The following CEP104 variants were observed in gnomAD, a reference collection of about 807,000 sequenced individuals.
CEP104 encodes the protein centrosomal protein of 104 kDa.
CEP104 carries 84 observed loss-of-function variants against 113.3 expected under a neutral mutation model. The ratio of observed to expected loss-of-function variants is 0.74; its 90% CI spans 0.62 to 0.89. CEP104 has a LOEUF of 0.89. Ranked by LOEUF, CEP104 falls within the 40% of genes least tolerant of loss-of-function variation. The probability of loss-of-function intolerance (pLI) is 0.00; values close to 1 mark genes in which losing one functional copy is unlikely to be tolerated. For synonymous variants in CEP104, 378 were observed against 421.7 expected, an observed-to-expected ratio of 0.90 and a Z score of 1.27; for missense variants, 1,053 against 1,156.6, an observed-to-expected ratio of 0.91 and a Z score of 1.30.
rs76262686 is a variant in CEP104, at chr1:3,849,320, C to T, written c.114-539G>A. On this transcript the variant is annotated intron_variant, in intron 2 of 21. Coordinates refer to ENST00000378230, the MANE Select transcript of CEP104 (RefSeq NM_014704.4). Reference sequence around the variant, plus strand: ...TCTCGCTCTGTCACCCAGGCTGCAGCGGTGTGATTATGGCTCACTGCATCT... The same window carrying T: ...TCTCGCTCTGTCACCCAGGCTGCAGTGGTGTGATTATGGCTCACTGCATCT... Among the ~76,000 whole-genome samples the T allele has an allele frequency of 9.5e-3, 1,419 of 149,076 alleles. 28 individuals carry two copies. Among genetic ancestry groups the T allele is most frequent in the African/African-American group, 0.032 (1,307 of 40,332 alleles).
intron 4 of CEP104, 87 bp from the exon 5 acceptor site, chr1:3,845,438 C>T (rs1644489303): frequency 6.8e-6 from 7 of 1,035,062 alleles, no homozygotes; most frequent in Admixed American, 5.7e-5. Context: ...GACAGGGTCT[C>T]GTCTGTCACC....
chr1:3,818,215 C>T (rs1434952961), intron 20 of CEP104, among the ~76,000 whole-genome samples: 1 of 152,210 alleles, frequency 6.6e-6, no homozygotes, highest in East Asian at 1.9e-4. Context: ...CCCACTCTGC[C>T]TGGGGCTTCT....
chr1:3,848,756 C>A lies in CEP104; in HGVS notation c.139G>T (p.Val47Phe). The change falls in exon 3 of 22, where the codon GTC becomes TTC. Residue 47 changes from valine to phenylalanine, a missense_variant. Transcript: ENST00000378230. ...CGACATCTCTCCACCATTTGAAGGA[C>A]AATTTCTTGTGGAAACTGGCAAAAT... ...PRFCQFPQEI[V>F]LQMVERCRIR... 1 of 1,609,502 alleles carries A rather than the reference C, an allele frequency of 6.2e-7. No individual in the cohort carries two copies.
rs1644027068 is a variant in CEP104 at position 3,823,687 on chromosome 1, G to A, written c.2365-125C>T. 8.8e-7 allele frequency: 1 copy of A among 1,131,618 alleles called. No individual in the cohort carries two copies. Among genetic ancestry groups the A allele is most frequent in the Non-Finnish European group, 1.3e-6 (1 of 783,358 alleles). 70.1% of individuals were successfully genotyped at this position (1,131,618 alleles called of 1,614,324 possible). A position where few individuals can be genotyped will look rare whatever the true frequency, so the allele number is the denominator to read the frequency against. Reference sequence around the variant, plus strand: ...TCTGTGCCGCCTGCACATGAAGTAAGCCACAGGCTTCTATCTTCGGCATTT... The same window carrying A: ...TCTGTGCCGCCTGCACATGAAGTAAACCACAGGCTTCTATCTTCGGCATTT... On this transcript the variant is annotated intron_variant, in intron 18 of 21. Transcript: ENST00000378230. The surrounding 1 kb of genome is among the most constrained non-coding windows in gnomAD (Gnocchi z 4.1).
At position 3,852,439 on chromosome 1, in the gene CEP104, A is replaced by C. The variant is rs770831169; in HGVS notation, c.-14-18T>G. The C allele has an allele frequency of 2.9e-5, 46 of 1,594,952 alleles. No homozygotes were observed. The highest frequency in any genetic ancestry group is 3.5e-5 in the Non-Finnish European group (41 of 1,169,260). On this transcript the variant is annotated intron_variant, in intron 1 of 21. Transcript: ENST00000378230. ...CGTTTGGGCTGTTTATAAGAGCAGG[A>C]AAAACTTCTTTAAAACAAAGGAATT...
chr1:3,829,849 T>C lies in CEP104; in HGVS notation c.1985A>G (p.Lys662Arg), dbSNP rs760285703. 10 of 1,614,196 alleles carry C rather than the reference T, an allele frequency of 6.2e-6. No individual in the cohort carries two copies. In the South Asian group the frequency reaches 1.1e-4, roughly 18 times the overall value. ...TTTAGCAAATCCCTCAAAAATTGTT[T>C]TGTAGAGAATGTTCCTGCGTGTGTT... Reference protein sequence around the residue: ...DSNTRRNILYKTIFEGFAKID... With the variant: ...DSNTRRNILYRTIFEGFAKID... Residue 662 changes from lysine to arginine, a missense_variant, in exon 14 of 22, where the codon AAA (lysine) becomes AGA (arginine). Coordinates refer to ENST00000378230, the MANE Select transcript of CEP104 (RefSeq NM_014704.4).
chr1:3,837,379 C>G lies in CEP104; in HGVS notation c.1032G>C (p.Lys344Asn), dbSNP rs755734568. 67 of 1,614,078 alleles carry G rather than the reference C, an allele frequency of 4.2e-5. No individual in the cohort carries two copies. Among genetic ancestry groups the G allele is most frequent in the Non-Finnish European group, 4.7e-5 (56 of 1,180,032 alleles). ...NQFAEPFLQE[K>N]PSSYSLTISP... is the part of the protein sequence containing the mutation. ...AAATAGTTAGAGAATATGATGAAGG[C>G]TTTTCCTGAAGGAAAGGTTCTGCAA... The change falls in exon 9 of 22, where the codon AAG (lysine) becomes AAC (asparagine). Residue 344 changes from lysine to asparagine, a missense_variant. By Grantham distance (94) the Lys-to-Asn change is moderately conservative. Transcript: ENST00000378230.
rs747515509 is a variant in CEP104 at position 3,848,594 on chromosome 1, A to C, written c.287+14T>G. 1.3e-6 allele frequency: 2 copies of C among 1,595,326 alleles called. No individual in the cohort carries two copies. The highest frequency in any genetic ancestry group is 1.7e-6 in the Non-Finnish European group (2 of 1,173,324). ...CTAAAAGCTGCCATGATACATTTTAAATTTCATTCTTACCCAAGTCTTCGA... is the reference window on the plus strand; with the variant it reads ...CTAAAAGCTGCCATGATACATTTTACATTTCATTCTTACCCAAGTCTTCGA... On this transcript the variant is annotated intron_variant, in intron 3 of 21. Coordinates refer to ENST00000378230, the MANE Select transcript of CEP104 (RefSeq NM_014704.4).
intron 15 of CEP104, among the ~76,000 whole-genome samples, chr1:3,827,972 G>T (rs1483491168): frequency 2.0e-5 from 3 of 152,220 alleles, no homozygotes; most frequent in Non-Finnish European, 2.9e-5. Flanking sequence ...AAGAGCTGCA[G>T]GCTCTCAGGA....
At chr1:3,844,109 A>AG (rs1644464101) in intron 6 of CEP104, among the ~76,000 whole-genome samples, 1 of 152,148 alleles carries the variant, frequency 6.6e-6, no homozygotes, top group Non-Finnish European at 1.5e-5. Flanking sequence ...CACTCCTCTA[A>AG]AGAATAAACT....
Position 3,826,816 on chromosome 1 carries a change from T to C in CEP104, c.2152-72A>G, listed in dbSNP as rs1194806719. 90 of 1,462,158 alleles carry C rather than the reference T, an allele frequency of 6.2e-5. No individual in the cohort carries two copies. In the South Asian group the frequency reaches 9.1e-4, roughly 15 times the overall value. The allele number at this position is 1,462,158 out of a possible 1,614,324, so 90.6% of individuals were successfully genotyped here. On this transcript the variant is annotated intron_variant, in intron 15 of 21. Transcript: ENST00000378230. ...AGTGAGTGAGAGCCTGTTGAAGATATGTTTTCATCACGAAAGCACATTTCT... is the reference window on the plus strand; with the variant it reads ...AGTGAGTGAGAGCCTGTTGAAGATACGTTTTCATCACGAAAGCACATTTCT...
At chr1:3,826,549 T>C (rs1644095684) in intron 16 of CEP104, 113 bp from the exon 17 acceptor site, 3 of 1,312,928 alleles carry the variant, frequency 2.3e-6, no homozygotes, top group East Asian at 2.4e-5. Context: ...GGTAGCATGT[T>C]TTCCATTCAG....
intron 15 of CEP104, among the ~76,000 whole-genome samples, chr1:3,828,309 C>T (rs369615727): frequency 6.6e-6 from 1 of 152,178 alleles, no homozygotes; most frequent in African/African-American, 2.4e-5. Flanking sequence ...TCATCCACAC[C>T]ACGATGCGGA....
intron 2 of CEP104, among the ~76,000 whole-genome samples, chr1:3,850,455 G>T (rs760880964): frequency 2.6e-5 from 4 of 152,188 alleles, no homozygotes. Flanking sequence ...TTGGAAAAAC[G>T]TCTTGCTCTG....
intron 6 of CEP104, among the ~76,000 whole-genome samples, chr1:3,843,909 G>A (rs979436548): frequency 6.6e-5 from 10 of 151,986 alleles, no homozygotes; most frequent in East Asian, 1.9e-4. Flanking sequence ...TTACAGGTGC[G>A]CGCCACCACG....
chr1:3,818,308 A>G (rs761682809), intron 20 of CEP104, among the ~76,000 whole-genome samples: 9 of 152,028 alleles, frequency 5.9e-5, no homozygotes, highest in African/African-American at 2.2e-4. Flanking sequence ...TACAAACCCC[A>G]CATTTCCACC....
Position 3,837,432 on chromosome 1 carries a change from G to C in CEP104, c.979C>G (p.Leu327Val), listed in dbSNP as rs1279670037. The C allele has an allele frequency of 1.9e-6, 3 of 1,614,234 alleles. No homozygotes were observed. Among genetic ancestry groups the C allele is most frequent in the East Asian group, 2.2e-5 (1 of 44,890 alleles). ...TGGTTTTCTGTTCCTCTTTCTTCCAGTTGTGGTAGTGAGGGCATTGGCTTT... is the reference window on the plus strand; with the variant it reads ...TGGTTTTCTGTTCCTCTTTCTTCCACTTGTGGTAGTGAGGGCATTGGCTTT... Reference protein sequence around the residue: ...HQKPMPSLPQLEERGTENQFA... With the variant: ...HQKPMPSLPQVEERGTENQFA... Residue 327 changes from leucine (L) to valine (V), a missense_variant, in exon 9 of 22, where the codon CTG (leucine) becomes GTG (valine). By Grantham distance (32) the Leu-to-Val change is conservative. Transcript: ENST00000378230.
In CEP104 at chr1:3,837,220, C is replaced by A; in HGVS notation, c.1119+72G>T. On this transcript the variant is annotated intron_variant, in intron 9 of 21. Transcript: ENST00000378230. ...TCATGCACCCCATGCATGGGAACAG[C>A]ACCTGGCACAACACATGTCCTTTAC... 8 of 1,281,606 alleles carry A rather than the reference C, an allele frequency of 6.2e-6. No individual in the cohort carries two copies. In the South Asian group the frequency reaches 9.5e-5, roughly 15 times the overall value. The allele number at this position is 1,281,606 out of a possible 1,614,324, so 79.4% of individuals were successfully genotyped here.
chr1:3,852,786 CG>C (rs1215809493), intron 1 of CEP104, among the ~76,000 whole-genome samples: 7 of 152,168 alleles, frequency 4.6e-5, no homozygotes, highest in Non-Finnish European at 8.8e-5. Context: ...ATGAGGTCCT[CG>C]GGGTGGGCCC....
Sources: gnomAD v4.1 joint callset for allele counts (sites outside exome capture counted in the v4.1 genomes callset) on GRCh38, gnomAD v4.1.1 for gene constraint, Gnocchi (gnomAD v3.1) non-coding constraint, MANE v1.5 for transcripts, NCBI Gene and HGNC (gene_info 2026-07-23, HGNC 2026-07-21) for gene names.